Variants in ZFX observed in about 807,000 individuals in gnomAD.
The protein encoded by ZFX is zinc finger X-chromosomal protein.
For missense variants in ZFX, 362 were observed against 628.3 expected (o/e 0.58, Z 4.53); for synonymous variants, 196 against 226.8 (o/e 0.86, Z 1.22).
intron 5 of ZFX, among the ~76,000 whole-genome samples, chrX:24,205,549 A>G (rs888302230): frequency 7.1e-5 from 8 of 112,324 alleles, no homozygotes; most frequent in Admixed American, 1.9e-4. Context: ...GCTACTTTGT[A>G]AAGTTTTAAA....
intron 5 of ZFX, among the ~76,000 whole-genome samples, chrX:24,193,044 G>T (rs1269454056): frequency 9.0e-6 from 1 of 110,594 alleles, no homozygotes. Flanking sequence ...TCCATGTTAT[G>T]CCCTTCTAGT....
intron 5 of ZFX, among the ~76,000 whole-genome samples, chrX:24,202,818 G>A (rs1037307086): frequency 2.7e-5 from 3 of 111,917 alleles, no homozygotes; most frequent in Non-Finnish European, 5.6e-5. Context: ...TCAGTGAATC[G>A]TTGATTCATC....
At chrX:24,156,472 C>T (rs1010881992) in intron 3 of ZFX, among the ~76,000 whole-genome samples, 2 of 110,700 alleles carry the variant, frequency 1.8e-5, no homozygotes, top group Non-Finnish European at 1.9e-5. Flanking sequence ...TATTGTGTGA[C>T]GTAGGAATCT....
intron 1 of ZFX, among the ~76,000 whole-genome samples, chrX:24,150,317 G>C (rs1332219272): frequency 1.8e-5 from 2 of 108,232 alleles, no homozygotes; most frequent in African/African-American, 6.7e-5. Context: ...CAGCCCGTGA[G>C]GGGGGGTGGG....
chrX:24,213,924 CTG>C lies in ZFX; in HGVS notation c.*2549_*2550del, dbSNP rs1253044808. 1.8e-5 allele frequency: 2 copies of C among 110,338 alleles called. No homozygotes were observed. The highest frequency in any genetic ancestry group is 1.9e-5 in the Non-Finnish European group (1 of 52,709). 9.1% of individuals were successfully genotyped at this position (110,338 alleles called of 1,213,427 possible). On this transcript the variant is annotated 3_prime_UTR_variant, in exon 10 of 10. Coordinates refer to ENST00000304543, the MANE Select transcript of ZFX (RefSeq NM_003410.4). ...ATTTAACTATATTTTTTTAAATAAA[CTG>C]AAAGATAAAGAACACAACACTTCAC...
At chrX:24,162,222 C>T (rs1933419549) in intron 3 of ZFX, among the ~76,000 whole-genome samples, 1 of 111,081 alleles carries the variant, frequency 9.0e-6, no homozygotes, top group Non-Finnish European at 1.9e-5. Context: ...GAGTGAAACT[C>T]TGTCTCAAAA....
rs767750261 is a variant in ZFX at position 24,215,654 on chromosome X, CCAGA to C, written c.*4282_*4285del. On this transcript the variant is annotated 3_prime_UTR_variant, in exon 10 of 10. Coordinates refer to ENST00000304543, the MANE Select transcript of ZFX (RefSeq NM_003410.4). ...TGAACAGTGAGAGAAAAATAGGACC[CCAGA>C]CAGTTTATACCTTCCATTTGCTGTT... is the stretch of plus-strand genomic sequence containing the variant. The C allele has an allele frequency of 4.5e-5, 5 of 110,996 alleles. No homozygotes were observed. Among genetic ancestry groups the C allele is most frequent in the South Asian group, 3.8e-4 (1 of 2,624 alleles). The allele number at this position is 110,996 out of a possible 1,213,427, so 9.1% of individuals were successfully genotyped here. A position where few individuals can be genotyped will look rare whatever the true frequency, so the allele number is the denominator to read the frequency against.
chrX:24,160,540 C>A (rs1342531550), intron 3 of ZFX, among the ~76,000 whole-genome samples: 3 of 110,774 alleles, frequency 2.7e-5, no homozygotes, highest in Non-Finnish European at 3.8e-5. Flanking sequence ...CTCAGGTGAT[C>A]CACCTGCCTC....
intron 5 of ZFX, among the ~76,000 whole-genome samples, chrX:24,201,955 G>A (rs1937326827): frequency 1.8e-5 from 2 of 111,645 alleles, no homozygotes; most frequent in Admixed American, 9.5e-5. Context: ...ATTTTCTCTA[G>A]TTTCTCAAGC....
At chrX:24,205,222 G>A (rs1040561939) in intron 5 of ZFX, among the ~76,000 whole-genome samples, 1 of 112,296 alleles carries the variant, frequency 8.9e-6, no homozygotes, top group African/African-American at 3.2e-5. Context: ...CTTCCACCAT[G>A]TCAGATAGGC....
chrX:24,200,631 A>C lies in ZFX; in HGVS notation c.647-6695A>C, dbSNP rs780313135. 4.4e-5 allele frequency among the ~76,000 whole-genome samples: 5 copies of C among 112,551 alleles called. No individual in the cohort carries two copies. In the South Asian group the frequency reaches 1.5e-3, roughly 33 times the overall value. On this transcript the variant is annotated intron_variant, in intron 5 of 9. Transcript: ENST00000304543. ...TTCTTTCTTCCATCCTTTTATTTGT[A>C]GTATGCGTGGAGAAATGTCTAATGA...
In ZFX at chrX:24,210,491, G is replaced by A; in HGVS notation, c.1533G>A (p.Lys511=). Residue 511 remains lysine, a synonymous_variant, in exon 10 of 10, where the codon AAG becomes AAA. Coordinates refer to ENST00000304543, the MANE Select transcript of ZFX (RefSeq NM_003410.4). Reference sequence around the variant, plus strand: ...TGTTTACTCACAAAATGGTGCATAAGGAAAAAGGAGCCAACAAAATGCACA... The same window carrying A: ...TGTTTACTCACAAAATGGTGCATAAAGAAAAAGGAGCCAACAAAATGCACA... ...GALFTHKMVH[K]EKGANKMHKC... 1.6e-5 allele frequency: 19 copies of A among 1,211,729 alleles called. No homozygotes were observed. The highest frequency in any genetic ancestry group is 2.1e-5 in the Non-Finnish European group (19 of 895,570).
Position 24,211,465 on chromosome X carries a change from T to A in ZFX, c.*89T>A. On this transcript the variant is annotated 3_prime_UTR_variant, in exon 10 of 10. Coordinates refer to ENST00000304543, the MANE Select transcript of ZFX (RefSeq NM_003410.4). Reference sequence around the variant, plus strand: ...AATCAGTCTCATTCACATACAATACTGTATATTGATTTATGCTGTGTACAA... The same window carrying A: ...AATCAGTCTCATTCACATACAATACAGTATATTGATTTATGCTGTGTACAA... The A allele has an allele frequency of 1.0e-6, 1 of 986,543 alleles. No homozygotes were observed. The highest frequency in any genetic ancestry group is 2.3e-5 in the South Asian group (1 of 43,632). 81.3% of individuals were successfully genotyped at this position (986,543 alleles called of 1,213,427 possible).
chrX:24,207,157 TGGGA>T (rs1569167450), intron 5 of ZFX, 165 bp from the exon 6 acceptor site: 2 of 445,645 alleles, frequency 4.5e-6, no homozygotes. Context: ...GGCTTGAACC[TGGGA>T]GGCGGAGGTT....
intron 9 of ZFX, 136 bp downstream of exon 9, chrX:24,209,176 T>C: frequency 1.1e-6 from 1 of 949,867 alleles, no homozygotes; most frequent in Non-Finnish European, 1.4e-6. Flanking sequence ...AACTTGAAAA[T>C]ATAATTTTCA....
intron 5 of ZFX, among the ~76,000 whole-genome samples, chrX:24,182,028 C>T (rs1328925740): frequency 2.7e-5 from 3 of 110,212 alleles, no homozygotes; most frequent in African/African-American, 9.9e-5. Flanking sequence ...GGATGAGATT[C>T]GATGATAGAT....
intron 5 of ZFX, among the ~76,000 whole-genome samples, chrX:24,194,748 T>A (rs1601932216): frequency 1.9e-5 from 2 of 104,691 alleles, no homozygotes; most frequent in South Asian, 4.3e-4. Flanking sequence ...AGTAAAAAAT[T>A]TTTTTTTTTT....
chrX:24,185,949 C>A (rs1416032868), intron 5 of ZFX, among the ~76,000 whole-genome samples: 1 of 106,760 alleles, frequency 9.4e-6, no homozygotes, highest in Non-Finnish European at 1.9e-5. Context: ...AAAAAAACAA[C>A]CCCTCCCAAA....
chrX:24,158,670 T>C (rs1025500180), intron 3 of ZFX, among the ~76,000 whole-genome samples: 2 of 111,469 alleles, frequency 1.8e-5, no homozygotes, highest in Non-Finnish European at 3.8e-5. Flanking sequence ...GGGGTCTTGC[T>C]CTGTCGCCCA....
Sources: allele counts gnomAD v4.1 joint callset (sites outside exome capture counted in the v4.1 genomes callset), GRCh38; gene constraint gnomAD v4.1.1; transcripts MANE v1.5; gene names NCBI Gene and HGNC (gene_info 2026-07-23, HGNC 2026-07-21).